FRMD4A: variants seen among roughly 807,000 people sequenced by gnomAD.
The protein encoded by FRMD4A is FERM domain containing 4A, also known as FERM domain-containing protein 4A.
In FRMD4A, 29 loss-of-function variants were observed where a neutral mutation model predicts 129.1. The observed-to-expected ratio is 0.22, with a 90% confidence interval of 0.17 to 0.31. The LOEUF (loss-of-function observed/expected upper bound fraction) is 0.31, where lower values mean the gene tolerates loss of function less well. FRMD4A is among the 10% of genes least tolerant of loss of function. FRMD4A has a pLI of 1.00. For synonymous variants in FRMD4A, 634 were observed against 571.6 expected (o/e 1.11, Z -1.56); for missense variants, 1,272 against 1,375.8 (o/e 0.92, Z 1.19).
chr10:13,827,957 T>TA (rs1285097016), intron 3 of FRMD4A, among the ~76,000 whole-genome samples: 3 of 152,154 alleles, frequency 2.0e-5, no homozygotes, highest in African/African-American at 7.2e-5. Flanking sequence ...ACTGCCCAAA[T>TA]ACCATTTATG....
At chr10:14,061,591 C>T (rs984912093) in intron 2 of FRMD4A, among the ~76,000 whole-genome samples, 1 of 152,184 alleles carries the variant, frequency 6.6e-6, no homozygotes, top group South Asian at 2.1e-4. Flanking sequence ...TCCTCCCTAT[C>T]CTGAGACTTT....
chr10:13,842,521 G>A (rs1039021364), intron 3 of FRMD4A, among the ~76,000 whole-genome samples: 1 of 152,084 alleles, frequency 6.6e-6, no homozygotes, highest in African/African-American at 2.4e-5. Flanking sequence ...TTTTAGTAAC[G>A]AGAAAGTTGA....
intron 2 of FRMD4A, among the ~76,000 whole-genome samples, chr10:13,966,999 T>C (rs907498237): frequency 1.3e-5 from 2 of 152,238 alleles, no homozygotes; most frequent in African/African-American, 4.8e-5. Flanking sequence ...CTGTATATTC[T>C]CACTCACAAG....
chr10:13,778,148 A>G (rs1196553676), intron 6 of FRMD4A, among the ~76,000 whole-genome samples: 4 of 151,898 alleles, frequency 2.6e-5, no homozygotes, highest in Non-Finnish European at 5.9e-5. Flanking sequence ...CTTGCCATGC[A>G]TTTACTTCGC....
chr10:14,071,150 C>T (rs913505510), intron 2 of FRMD4A, among the ~76,000 whole-genome samples: 1 of 152,220 alleles, frequency 6.6e-6, no homozygotes, highest in Non-Finnish European at 1.5e-5. Flanking sequence ...GTGGCTGTTC[C>T]ATGCATGAAG....
intron 2 of FRMD4A, among the ~76,000 whole-genome samples, chr10:14,132,850 T>C (rs1433030390): frequency 6.6e-6 from 1 of 152,178 alleles, no homozygotes; most frequent in Non-Finnish European, 1.5e-5. Flanking sequence ...TATCCTGCCT[T>C]AAGCATGGTA....
intron 2 of FRMD4A, among the ~76,000 whole-genome samples, chr10:14,196,957 A>G (rs77441467): frequency 0.011 from 1,647 of 152,330 alleles, 26 homozygotes; most frequent in African/African-American, 0.037. Context: ...TGCAATGTCA[A>G]TAGTCTGAGG....
chr10:14,076,195 GATCCCC>G (rs1835591626), intron 2 of FRMD4A, among the ~76,000 whole-genome samples: 1 of 152,166 alleles, frequency 6.6e-6, no homozygotes, highest in Non-Finnish European at 1.5e-5. Flanking sequence ...CCTGTGCATG[GATCCCC>G]ACCTGCCTTT....
chr10:14,215,538 C>T (rs1488683219), intron 2 of FRMD4A, among the ~76,000 whole-genome samples: 1 of 152,086 alleles, frequency 6.6e-6, no homozygotes, highest in Non-Finnish European at 1.5e-5. Flanking sequence ...TTATACTTTG[C>T]AGGCTCTCCT....
intron 2 of FRMD4A, among the ~76,000 whole-genome samples, chr10:14,051,732 G>A (rs1181051337): frequency 2.0e-5 from 3 of 152,198 alleles, no homozygotes; most frequent in Admixed American, 2.0e-4. Flanking sequence ...GCCTAGTCTG[G>A]CACAGAGCAC....
intron 2 of FRMD4A, among the ~76,000 whole-genome samples, chr10:14,133,657 C>G (rs1381660895): frequency 6.6e-6 from 1 of 152,232 alleles, no homozygotes; most frequent in East Asian, 1.9e-4. Flanking sequence ...GAGAACCATT[C>G]TGTTCCCTGT....
chr10:13,648,089 A>G (rs953532151), intron 24 of FRMD4A: 2 of 152,220 alleles, frequency 1.3e-5, no homozygotes, highest in Non-Finnish European at 2.9e-5. Flanking sequence ...CTCTAGGAAC[A>G]ACTGGATGTT....
intron 2 of FRMD4A, among the ~76,000 whole-genome samples, chr10:13,926,325 T>A (rs1419784938): frequency 6.6e-6 from 1 of 152,190 alleles, no homozygotes; most frequent in Non-Finnish European, 1.5e-5. Flanking sequence ...GAGATTTTAC[T>A]GTAGGGAGTG....
chr10:14,137,980 C>A (rs1382736145), intron 2 of FRMD4A, among the ~76,000 whole-genome samples: 1 of 152,126 alleles, frequency 6.6e-6, no homozygotes, highest in Non-Finnish European at 1.5e-5. Context: ...TGCCAATAAG[C>A]AAGTGTGTGC....
At chr10:13,680,424 C>G (rs1478878280) in intron 15 of FRMD4A, among the ~76,000 whole-genome samples, 3 of 149,978 alleles carry the variant, frequency 2.0e-5, no homozygotes, top group Admixed American at 6.6e-5. Flanking sequence ...GTGTTTAGCC[C>G]CTTGGAAATT....
chr10:13,939,212 G>A (rs910699616), intron 2 of FRMD4A, among the ~76,000 whole-genome samples: 4 of 152,206 alleles, frequency 2.6e-5, no homozygotes, highest in African/African-American at 9.6e-5. Context: ...AATCAATGTA[G>A]GGTGAGATTA....
At chr10:13,692,790 T>G (rs1021817217) in intron 15 of FRMD4A, 17 of 152,350 alleles carry the variant, frequency 1.1e-4, no homozygotes, top group African/African-American at 4.1e-4. Flanking sequence ...CCAGGGAAGA[T>G]TTCTTGCCTT....
intron 2 of FRMD4A, among the ~76,000 whole-genome samples, chr10:14,038,292 C>T (rs1043971932): frequency 1.3e-5 from 2 of 152,130 alleles, no homozygotes; most frequent in Non-Finnish European, 2.9e-5. Context: ...CACTGCACTC[C>T]AGCCTGGGCG....
chr10:14,164,380 T>G (rs1400373788), intron 2 of FRMD4A, among the ~76,000 whole-genome samples: 4 of 152,194 alleles, frequency 2.6e-5, no homozygotes, highest in Admixed American at 6.5e-5. Context: ...CTCATGTAGC[T>G]GGCAATGAGC....
Sources: allele counts gnomAD v4.1 joint callset (sites outside exome capture counted in the v4.1 genomes callset), GRCh38; gene constraint gnomAD v4.1.1; transcripts MANE v1.5; gene names NCBI Gene and HGNC (gene_info 2026-07-23, HGNC 2026-07-21).